The following RAB11FIP2 variants were observed in gnomAD, a reference collection of about 807,000 sequenced individuals.
RAB11FIP2 encodes the protein rab11 family-interacting protein 2.
Under a neutral mutation model 40.9 loss-of-function variants are expected in RAB11FIP2, and 16 were observed. The observed-to-expected ratio is 0.39, with a 90% CI of 0.26 to 0.59. The LOEUF is 0.59. RAB11FIP2 is among the 20% of genes least tolerant of loss of function. RAB11FIP2 has a pLI of 0.53. For missense variants in RAB11FIP2, 532 were observed against 606.2 expected, an observed-to-expected ratio of 0.88 and a Z score of 1.28; for synonymous variants, 228 against 213.7, an observed-to-expected ratio of 1.07 and a Z score of -0.58.
intron 1 of RAB11FIP2, among the ~76,000 whole-genome samples, chr10:118,042,224 G>A (rs1363116065): frequency 1.3e-5 from 2 of 152,034 alleles, no homozygotes; most frequent in East Asian, 3.9e-4. Flanking sequence ...AAACAAAAAC[G>A]AGCACGTATG....
chr10:118,039,046 C>A lies in RAB11FIP2; in HGVS notation c.1191G>T (p.Gln397His). 2 of 1,612,962 alleles carry A rather than the reference C, an allele frequency of 1.2e-6. No homozygotes were observed. The highest frequency in any genetic ancestry group is 1.7e-6 in the Non-Finnish European group (2 of 1,179,594). Reference sequence around the variant, plus strand: ...TGGTTGACTCATAATCAAAATAGTCCTGGCGATTTTCACTAAATGCATTAG... The same window carrying A: ...TGGTTGACTCATAATCAAAATAGTCATGGCGATTTTCACTAAATGCATTAG... ...KSPNAFSENR[Q>H]DYFDYESTNP... Residue 397 changes from glutamine to histidine, a missense_variant, in exon 3 of 5, where the codon CAG (glutamine) becomes CAT (histidine). Physicochemically the swap from Gln to His is conservative, Grantham distance 24. Transcript: ENST00000355624.
chr10:118,031,978 G>GC (rs1041931029), intron 3 of RAB11FIP2, among the ~76,000 whole-genome samples: 2 of 152,012 alleles, frequency 1.3e-5, no homozygotes, highest in African/African-American at 2.4e-5. Context: ...CAGAACAGCT[G>GC]CCCCCCTAAC....
chr10:118,029,378 A>T (rs1368867843), intron 3 of RAB11FIP2, among the ~76,000 whole-genome samples: 1 of 152,138 alleles, frequency 6.6e-6, no homozygotes, highest in Non-Finnish European at 1.5e-5. Context: ...CCCTGTCTCA[A>T]GTCCTTCTTC....
At chr10:118,019,189 G>A (rs949732382) in intron 3 of RAB11FIP2, among the ~76,000 whole-genome samples, 3 of 152,140 alleles carry the variant, frequency 2.0e-5, no homozygotes, top group Non-Finnish European at 4.4e-5. Flanking sequence ...GTATTTTTAA[G>A]TATTTAGAGT....
chr10:118,027,470 T>C (rs990121048), intron 3 of RAB11FIP2, among the ~76,000 whole-genome samples: 2 of 152,244 alleles, frequency 1.3e-5, no homozygotes, highest in African/African-American at 4.8e-5. Flanking sequence ...TTTAATTTCT[T>C]TGAAGATAAA....
chr10:118,017,066 G>A (rs908911922), intron 3 of RAB11FIP2, among the ~76,000 whole-genome samples: 12 of 151,988 alleles, frequency 7.9e-5, no homozygotes, highest in East Asian at 1.9e-4. Flanking sequence ...GTAGTCTTAC[G>A]GCCCAGTATC....
At position 118,045,966 on chromosome 10, in the gene RAB11FIP2, G is replaced by T; in HGVS notation, c.198C>A (p.Phe66Leu). The T allele has an allele frequency of 6.2e-7, 1 of 1,614,192 alleles. No homozygotes were observed. Among genetic ancestry groups the T allele is most frequent in the East Asian group, 2.2e-5 (1 of 44,874 alleles). Reference protein sequence around the residue: ...LEPVWKEEASFELPGLLIQGS... With the variant: ...LEPVWKEEASLELPGLLIQGS... The stretch of plus-strand genomic sequence containing the variant: ...CCTGAATTAGCAATCCAGGTAGCTC[G>T]AAAGAGGCCTCCTCCTTCCAAACTG... Residue 66 changes from phenylalanine to leucine, a missense_variant, in exon 1 of 5, where the codon TTC becomes TTA. By Grantham distance (22) the Phe-to-Leu change is conservative (BLOSUM62 0). Transcript: ENST00000355624.
At chr10:118,018,237 A>G (rs1846244754) in intron 3 of RAB11FIP2, 1 of 150,462 alleles carries the variant, frequency 6.6e-6, no homozygotes, top group South Asian at 2.1e-4. Context: ...CTTAATGGGG[A>G]AAAAAGAGTT....
intron 4 of RAB11FIP2, among the ~76,000 whole-genome samples, chr10:118,010,283 A>T (rs1846140821): frequency 6.6e-6 from 1 of 152,136 alleles, no homozygotes; most frequent in Non-Finnish European, 1.5e-5. Context: ...AATAATTTTC[A>T]TCACTATCTT....
intron 3 of RAB11FIP2, among the ~76,000 whole-genome samples, chr10:118,024,166 A>G (rs1846314208): frequency 6.6e-6 from 1 of 152,042 alleles, no homozygotes; most frequent in Non-Finnish European, 1.5e-5. Flanking sequence ...CTCAACATAA[A>G]GCCTATGGAT....
chr10:118,046,172 GT>G lies in RAB11FIP2; in HGVS notation c.-10del. 6.2e-7 allele frequency: 1 copy of G among 1,608,204 alleles called. No homozygotes were observed. The highest frequency in any genetic ancestry group is 1.1e-5 in the South Asian group (1 of 90,818). On this transcript the variant is annotated 5_prime_UTR_variant, in exon 1 of 5. Transcript: ENST00000355624. ...TGCTCGGACAGCATCATCCTGTCCT[GT>G]TTCTCTGCCCCCGAGTTCCCTAGCA...
rs1846091803 is a variant in RAB11FIP2, at chr10:118,006,502, A to G, written c.*2496T>C. 2.0e-5 allele frequency: 3 copies of G among 152,158 alleles called. No homozygotes were observed. The highest frequency in any genetic ancestry group is 7.2e-5 in the African/African-American group (3 of 41,462). 9.4% of individuals were successfully genotyped at this position (152,158 alleles called of 1,614,324 possible). A position where few individuals can be genotyped will look rare whatever the true frequency, so the allele number is the denominator to read the frequency against. On this transcript the variant is annotated 3_prime_UTR_variant, in exon 5 of 5. Coordinates refer to ENST00000355624, the MANE Select transcript of RAB11FIP2 (RefSeq NM_014904.3). ...AGAATACCTAAAGTTATGTTTTGGAAAAATAAACTAAGGTGACCTTTTTGG... is the reference window on the plus strand; with the variant it reads ...AGAATACCTAAAGTTATGTTTTGGAGAAATAAACTAAGGTGACCTTTTTGG...
chr10:118,031,850 C>T (rs1325269123), intron 3 of RAB11FIP2, among the ~76,000 whole-genome samples: 2 of 151,988 alleles, frequency 1.3e-5, no homozygotes, highest in African/African-American at 4.8e-5. Context: ...TTCACAACTA[C>T]CACAGTAGAG....
rs1357039765 is a variant in RAB11FIP2 at position 118,008,486 on chromosome 10, C to T, written c.*512G>A. On this transcript the variant is annotated 3_prime_UTR_variant, in exon 5 of 5. Coordinates refer to ENST00000355624, the MANE Select transcript of RAB11FIP2 (RefSeq NM_014904.3). ...AACACATGTATATATGAGGTATATG[C>T]CTATATTTTATATACAAGATACATG... 6.4e-6 allele frequency: 1 copy of T among 156,794 alleles called. No homozygotes were observed. Among genetic ancestry groups the T allele is most frequent in the Non-Finnish European group, 1.4e-5 (1 of 70,472 alleles). 9.7% of individuals were successfully genotyped at this position (156,794 alleles called of 1,614,324 possible). A position where few individuals can be genotyped will look rare whatever the true frequency, so the allele number is the denominator to read the frequency against.
intron 3 of RAB11FIP2, among the ~76,000 whole-genome samples, chr10:118,037,474 TTCTAG>T (rs1417646490): frequency 6.6e-6 from 1 of 152,086 alleles, no homozygotes; most frequent in Non-Finnish European, 1.5e-5. Context: ...TATTTGCTGT[TTCTAG>T]TGGGACAAAA....
intron 3 of RAB11FIP2, among the ~76,000 whole-genome samples, chr10:118,032,508 T>C (rs1304604610): frequency 6.6e-6 from 1 of 152,004 alleles, no homozygotes; most frequent in Non-Finnish European, 1.5e-5. Flanking sequence ...ACCCTCTACC[T>C]TAGTTAGGGA....
chr10:118,008,937 C>A lies in RAB11FIP2; in HGVS notation c.*61G>T. The A allele has an allele frequency of 1.2e-5, 13 of 1,111,910 alleles. No individual in the cohort carries two copies. The highest frequency in any genetic ancestry group is 3.9e-5 in the Admixed American group (2 of 51,032). The allele number at this position is 1,111,910 out of a possible 1,614,324, so 68.9% of individuals were successfully genotyped here. On this transcript the variant is annotated 3_prime_UTR_variant, in exon 5 of 5. Coordinates refer to ENST00000355624, the MANE Select transcript of RAB11FIP2 (RefSeq NM_014904.3). ...AGTCTCTTTCAGTAACAAGTTTTTC[C>A]TTCCTTCCTTCTTTCTTTCTCTCTC...
At chr10:118,035,725 A>AT (rs1846472794) in intron 3 of RAB11FIP2, among the ~76,000 whole-genome samples, 2 of 152,146 alleles carry the variant, frequency 1.3e-5, no homozygotes, top group African/African-American at 4.8e-5. Flanking sequence ...GGGCAAAAAA[A>AT]GTGAGACTAA....
chr10:118,020,957 T>C (rs1846277048), intron 3 of RAB11FIP2, among the ~76,000 whole-genome samples: 1 of 152,192 alleles, frequency 6.6e-6, no homozygotes. Context: ...CCTTTGCCCT[T>C]CAATTTCTGG....
Sources: gnomAD v4.1 joint callset for allele counts (sites outside exome capture counted in the v4.1 genomes callset) on GRCh38, gnomAD v4.1.1 for gene constraint, MANE v1.5 for transcripts, NCBI Gene and HGNC (gene_info 2026-07-23, HGNC 2026-07-21) for gene names.